PACS1: variants seen among roughly 807,000 people sequenced by gnomAD.
The protein encoded by PACS1 is PACS-1.
PACS1 carries 24 observed loss-of-function variants against 115.0 expected under a neutral mutation model. The observed-to-expected ratio is 0.21, with a 90% CI of 0.15 to 0.29. PACS1 has a LOEUF of 0.29. Ranked by LOEUF, PACS1 falls within the 10% of genes least tolerant of loss-of-function variation. The pLI, the probability that PACS1 is intolerant of heterozygous loss-of-function variation, is 1.00. For missense variants in PACS1, 838 were observed against 1,251.2 expected, an observed-to-expected ratio of 0.67 and a Z score of 4.98; for synonymous variants, 453 against 504.5, an observed-to-expected ratio of 0.90 and a Z score of 1.37.
rs183192273 is a variant in PACS1 at position 66,189,703 on chromosome 11, C to T, written c.357-3783C>T. Among the ~76,000 whole-genome samples, 11 of 152,252 alleles carry T rather than the reference C, an allele frequency of 7.2e-5. No homozygotes were observed. In the East Asian group the frequency reaches 2.1e-3, roughly 29 times the overall value. ...ATGTCCCTGACTGACTCCTGTGAGA[C>T]GTTTATCTTGCAGTGAGTTTATTCA... On this transcript the variant is annotated intron_variant, in intron 1 of 23. Coordinates refer to ENST00000320580, the MANE Select transcript of PACS1 (RefSeq NM_018026.4).
At chr11:66,199,816 G>A (rs1388939941) in intron 2 of PACS1, among the ~76,000 whole-genome samples, 1 of 149,990 alleles carries the variant, frequency 6.7e-6, no homozygotes, top group Non-Finnish European at 1.5e-5. Flanking sequence ...TCAGGAGTTC[G>A]AGACCAGCCT....
chr11:66,124,222 C>A (rs1349730653), intron 1 of PACS1, among the ~76,000 whole-genome samples: 1 of 152,156 alleles, frequency 6.6e-6, no homozygotes, highest in South Asian at 2.1e-4. Flanking sequence ...ATAAAAGAAG[C>A]CTTTTTCCTA....
chr11:66,242,811 A>C (rs1590845416), intron 22 of PACS1, 101 bp from the exon 23 acceptor site: 1 of 1,513,338 alleles, frequency 6.6e-7, no homozygotes. Flanking sequence ...TTTGCAGATC[A>C]CCTCCCCTCG....
chr11:66,116,779 A>G (rs964793211), intron 1 of PACS1, among the ~76,000 whole-genome samples: 5 of 151,792 alleles, frequency 3.3e-5, no homozygotes, highest in Non-Finnish European at 5.9e-5. Flanking sequence ...GGTCCCAGCT[A>G]CTCATAAGAC....
Position 66,236,064 on chromosome 11 carries a change from C to A in PACS1, c.2250+124C>A. ...TCTCCAGACACTGGAGATTTTGCCTCCAGGGACTACCTGGCAGTGTCTGGA... is the reference window on the plus strand; with the variant it reads ...TCTCCAGACACTGGAGATTTTGCCTACAGGGACTACCTGGCAGTGTCTGGA... On this transcript the variant is annotated intron_variant, in intron 19 of 23. Coordinates refer to ENST00000320580, the MANE Select transcript of PACS1 (RefSeq NM_018026.4). This position sits in a 1 kb window ranked among gnomAD's most constrained non-coding sequence, Gnocchi z 4.2. The A allele has an allele frequency of 1.1e-6, 1 of 890,284 alleles. No homozygotes were observed. The highest frequency in any genetic ancestry group is 1.9e-6 in the Non-Finnish European group (1 of 525,082). 55.1% of individuals were successfully genotyped at this position (890,284 alleles called of 1,614,324 possible).
chr11:66,083,025 T>C (rs1199145665), intron 1 of PACS1, among the ~76,000 whole-genome samples: 1 of 152,220 alleles, frequency 6.6e-6, no homozygotes, highest in East Asian at 1.9e-4. Flanking sequence ...TTTTGTTTGG[T>C]ACTTTAAATC....
chr11:66,232,094 C>A, intron 13 of PACS1, 78 bp from the exon 14 acceptor site: 1 of 854,156 alleles, frequency 1.2e-6, no homozygotes, highest in Non-Finnish European at 2.0e-6. Context: ...AGAGACTCCC[C>A]ATGCACCAGT....
intron 1 of PACS1, among the ~76,000 whole-genome samples, chr11:66,138,486 C>A (rs777056709): frequency 2.0e-5 from 3 of 152,104 alleles, no homozygotes; most frequent in Non-Finnish European, 2.9e-5. Flanking sequence ...ACATGCCCCA[C>A]GAAGTGTGTG....
intron 1 of PACS1, among the ~76,000 whole-genome samples, chr11:66,161,832 G>T (rs941481942): frequency 6.6e-6 from 1 of 152,118 alleles, no homozygotes; most frequent in African/African-American, 2.4e-5. Context: ...AGCCTCGAGA[G>T]ATTCCCTATT....
Position 66,092,378 on chromosome 11 carries a change from T to C in PACS1, c.356+21536T>C, listed in dbSNP as rs1016394868. The stretch of plus-strand genomic sequence containing the variant: ...ACTTTTTGATGGGGTTGTTGGTTTT[T>C]TTCTTGTAAATTTGTTTGAGTTCAC... On this transcript the variant is annotated intron_variant, in intron 1 of 23. Transcript: ENST00000320580. Among the ~76,000 whole-genome samples, 18 of 152,184 alleles carry C rather than the reference T, an allele frequency of 1.2e-4. 1 individual carries two copies. The highest frequency in any genetic ancestry group is 3.9e-4 in the African/African-American group (16 of 41,412).
Position 66,211,118 on chromosome 11 carries a change from G to A in PACS1, c.535-16G>A. On this transcript the variant is annotated splice_polypyrimidine_tract_variant and intron_variant, in intron 3 of 23. Coordinates refer to ENST00000320580, the MANE Select transcript of PACS1 (RefSeq NM_018026.4). Reference sequence around the variant, plus strand: ...CTGCCCATTAACCACGCTCGACTCTGTTTTGTATTTCGTAGTACCCTCATT... The same window carrying A: ...CTGCCCATTAACCACGCTCGACTCTATTTTGTATTTCGTAGTACCCTCATT... 1 of 1,612,910 alleles carries A rather than the reference G, an allele frequency of 6.2e-7. No homozygotes were observed. The highest frequency in any genetic ancestry group is 8.5e-7 in the Non-Finnish European group (1 of 1,179,196).
At chr11:66,168,432 G>A (rs1859657859) in intron 1 of PACS1, among the ~76,000 whole-genome samples, 1 of 150,462 alleles carries the variant, frequency 6.6e-6, no homozygotes. Flanking sequence ...GCGAGACAGT[G>A]TAGAGACAGC....
chr11:66,176,080 T>A (rs750423309), intron 1 of PACS1, among the ~76,000 whole-genome samples: 1 of 152,182 alleles, frequency 6.6e-6, no homozygotes, highest in Non-Finnish European at 1.5e-5. Flanking sequence ...CCTTCATTTT[T>A]AAAAATTTCA....
chr11:66,143,075 G>A (rs1204165773), intron 1 of PACS1, among the ~76,000 whole-genome samples: 1 of 152,062 alleles, frequency 6.6e-6, no homozygotes, highest in Non-Finnish European at 1.5e-5. Flanking sequence ...TTTTTAAACT[G>A]CAGTAAGGTG....
intron 22 of PACS1, 107 bp downstream of exon 22, chr11:66,241,760 A>G: frequency 1.1e-6 from 1 of 910,084 alleles, no homozygotes; most frequent in Non-Finnish European, 1.7e-6. Flanking sequence ...ATGAAGAAGC[A>G]TCCCATGGTC....
chr11:66,221,081 G>T, intron 9 of PACS1, 73 bp from the exon 10 acceptor site: 1 of 1,393,286 alleles, frequency 7.2e-7, no homozygotes, highest in Non-Finnish European at 1.0e-6. Context: ...CTGAATGCCA[G>T]CTCCATTCAA....
chr11:66,192,940 T>C (rs515184), intron 1 of PACS1, among the ~76,000 whole-genome samples: 142,649 of 152,304 alleles, frequency 0.94, 67,479 homozygotes, highest in East Asian at 1. Flanking sequence ...ACCATTTAAC[T>C]ATTTCCTGCC....
intron 1 of PACS1, among the ~76,000 whole-genome samples, chr11:66,090,005 CAAAAAAA>C (rs33912143): frequency 2.5e-5 from 2 of 80,596 alleles, no homozygotes; most frequent in Non-Finnish European, 4.5e-5. Context: ...GACTCCATCT[CAAAAAAA>C]AAAAAAAAAA....
chr11:66,137,966 AG>A (rs1478569028), intron 1 of PACS1, among the ~76,000 whole-genome samples: 5 of 152,174 alleles, frequency 3.3e-5, no homozygotes, highest in African/African-American at 1.2e-4. Flanking sequence ...TCCTGACCTC[AG>A]GTGATCCACC....
Sources: gnomAD v4.1 joint callset for allele counts (sites outside exome capture counted in the v4.1 genomes callset) on GRCh38, gnomAD v4.1.1 for gene constraint, Gnocchi (gnomAD v3.1) non-coding constraint, MANE v1.5 for transcripts, NCBI Gene and HGNC (gene_info 2026-07-23, HGNC 2026-07-21) for gene names.